Variants in RAB3C observed in about 807,000 individuals in gnomAD.
RAB3C encodes the protein ras-related protein Rab-3C.
In RAB3C, 17 loss-of-function variants were observed where a neutral mutation model predicts 26.4. The ratio of observed to expected loss-of-function variants is 0.64; its 90% confidence interval spans 0.44 to 0.97. RAB3C has a LOEUF of 0.97. RAB3C is among the 50% of genes least tolerant of loss of function. RAB3C has a pLI of 0.00. For synonymous variants in RAB3C, 91 were observed against 95.9 expected, an observed-to-expected ratio of 0.95 and a Z score of 0.30; for missense variants, 242 against 281.9, an observed-to-expected ratio of 0.86 and a Z score of 1.01.
intron 3 of RAB3C, among the ~76,000 whole-genome samples, chr5:58,774,681 A>G (rs1398449357): frequency 1.3e-5 from 2 of 152,150 alleles, no homozygotes; most frequent in Non-Finnish European, 2.9e-5. Context: ...GGGAGTAGGG[A>G]TGCTACTTTA....
intron 4 of RAB3C, among the ~76,000 whole-genome samples, chr5:58,837,471 C>T (rs541973769): frequency 1.1e-4 from 17 of 151,504 alleles, no homozygotes; most frequent in African/African-American, 2.9e-4. Context: ...CATGAGCCAC[C>T]GTGCCCAGCC....
At chr5:58,620,551 T>C (rs1285794645) in intron 2 of RAB3C, among the ~76,000 whole-genome samples, 3 of 152,230 alleles carry the variant, frequency 2.0e-5, no homozygotes, top group African/African-American at 7.2e-5. Context: ...CTAGCATTTA[T>C]TGAATACATA....
chr5:58,607,814 A>T (rs1302169907), intron 1 of RAB3C, among the ~76,000 whole-genome samples: 1 of 152,186 alleles, frequency 6.6e-6, no homozygotes, highest in Non-Finnish European at 1.5e-5. Flanking sequence ...AGCCAAACTA[A>T]GCTTCATAAG....
rs763777319 is a variant in RAB3C, at chr5:58,858,085, A to G, written c.*6734A>G. On this transcript the variant is annotated 3_prime_UTR_variant, in exon 5 of 5. Coordinates refer to ENST00000282878, the MANE Select transcript of RAB3C (RefSeq NM_138453.4). ...ATTGATGCAAGACAGTTGGTTCTAGATGACCATGGCCATGTGTTCATCATA... is the reference window on the plus strand; with the variant it reads ...ATTGATGCAAGACAGTTGGTTCTAGGTGACCATGGCCATGTGTTCATCATA... 7 of 152,208 alleles carry G rather than the reference A, an allele frequency of 4.6e-5. No homozygotes were observed. The highest frequency in any genetic ancestry group is 1.4e-4 in the African/African-American group (6 of 41,462). The allele number at this position is 152,208 out of a possible 1,614,324, so 9.4% of individuals were successfully genotyped here. A position where few individuals can be genotyped will look rare whatever the true frequency, so the allele number is the denominator to read the frequency against.
chr5:58,800,339 G>A (rs950025071), intron 3 of RAB3C, among the ~76,000 whole-genome samples: 1 of 152,268 alleles, frequency 6.6e-6, no homozygotes, highest in East Asian at 1.9e-4. Flanking sequence ...TTTGGAAAGT[G>A]ATTTAGGCAG....
intron 2 of RAB3C, among the ~76,000 whole-genome samples, chr5:58,677,594 AC>A (rs1368685060): frequency 6.6e-6 from 1 of 151,846 alleles, no homozygotes; most frequent in Non-Finnish European, 1.5e-5. Context: ...AATGATTGAT[AC>A]CCAATAAATA....
chr5:58,788,303 G>A (rs908504712), intron 3 of RAB3C: 1 of 152,270 alleles, frequency 6.6e-6, no homozygotes, highest in Non-Finnish European at 1.5e-5. Flanking sequence ...ATGGCTTTGT[G>A]TTTAATGCAC....
intron 1 of RAB3C, among the ~76,000 whole-genome samples, chr5:58,598,649 C>A (rs1403160805): frequency 1.3e-5 from 2 of 152,080 alleles, no homozygotes; most frequent in Non-Finnish European, 2.9e-5. Context: ...TGTAGTGTGT[C>A]TGGATCACAG....
intron 2 of RAB3C, among the ~76,000 whole-genome samples, chr5:58,720,295 C>T (rs1740720792): frequency 1.3e-5 from 2 of 151,690 alleles, no homozygotes; most frequent in African/African-American, 4.8e-5. Context: ...TTAAAATGTA[C>T]AAATATGGTT....
chr5:58,637,799 C>CT (rs1395624055), intron 2 of RAB3C, among the ~76,000 whole-genome samples: 1 of 152,058 alleles, frequency 6.6e-6, no homozygotes, highest in Non-Finnish European at 1.5e-5. Context: ...CCAAAGGTAA[C>CT]TATTTGGCAT....
chr5:58,759,864 TATAAGAGC>T (rs1298243541), intron 3 of RAB3C, among the ~76,000 whole-genome samples: 2 of 152,188 alleles, frequency 1.3e-5, no homozygotes, highest in Non-Finnish European at 2.9e-5. Flanking sequence ...TCATTTGGCC[TATAAGAGC>T]ATAAACTACC....
At chr5:58,729,245 A>G (rs1197219492) in intron 3 of RAB3C, among the ~76,000 whole-genome samples, 1 of 151,682 alleles carries the variant, frequency 6.6e-6, no homozygotes. Context: ...TTTTTTTCTC[A>G]TTTCTTTATC....
At chr5:58,585,759 C>A (rs1745997384) in intron 1 of RAB3C, among the ~76,000 whole-genome samples, 1 of 151,964 alleles carries the variant, frequency 6.6e-6, no homozygotes, top group Non-Finnish European at 1.5e-5. Flanking sequence ...GTATTTCTTT[C>A]TGAATTGAGG....
At chr5:58,643,400 G>T (rs4997647) in intron 2 of RAB3C, among the ~76,000 whole-genome samples, 13,457 of 152,154 alleles carry the variant, frequency 0.088, 680 homozygotes, top group East Asian at 0.18. Context: ...TGCATGTTCA[G>T]CTATTCTGAT....
chr5:58,688,574 T>C (rs1748494945), intron 2 of RAB3C, among the ~76,000 whole-genome samples: 1 of 152,252 alleles, frequency 6.6e-6, no homozygotes, highest in South Asian at 2.1e-4. Flanking sequence ...GTTTAGCTCC[T>C]CAACTCTCCT....
At chr5:58,831,610 G>A (rs952656177) in intron 4 of RAB3C, among the ~76,000 whole-genome samples, 4 of 152,100 alleles carry the variant, frequency 2.6e-5, no homozygotes, top group African/African-American at 4.8e-5. Flanking sequence ...TACTTAAGGC[G>A]GTTCTCATCT....
chr5:58,759,011 A>T (rs909686044), intron 3 of RAB3C, among the ~76,000 whole-genome samples: 1 of 152,220 alleles, frequency 6.6e-6, no homozygotes, highest in African/African-American at 2.4e-5. Flanking sequence ...CTTCTGCACC[A>T]GGATACAAAT....
intron 3 of RAB3C, among the ~76,000 whole-genome samples, chr5:58,795,089 A>T (rs540916983): frequency 6.6e-6 from 1 of 152,140 alleles, no homozygotes; most frequent in South Asian, 2.1e-4. Context: ...TTCCCATGCT[A>T]TTCTCAGGAT....
At chr5:58,776,693 G>C (rs758342340) in intron 3 of RAB3C, among the ~76,000 whole-genome samples, 1 of 152,086 alleles carries the variant, frequency 6.6e-6, no homozygotes, top group African/African-American at 2.4e-5. Flanking sequence ...TAATGGCTTA[G>C]CACAATAAAA....
Sources: allele counts gnomAD v4.1 joint callset (sites outside exome capture counted in the v4.1 genomes callset), GRCh38; gene constraint gnomAD v4.1.1; transcripts MANE v1.5; gene names NCBI Gene and HGNC (gene_info 2026-07-23, HGNC 2026-07-21).